The following CIT variants were observed in gnomAD, a reference collection of about 807,000 sequenced individuals.
CIT encodes the protein citron rho-interacting serine/threonine kinase.
Under a neutral mutation model 272.7 loss-of-function variants are expected in CIT, and 79 were observed. The observed-to-expected ratio is 0.29, with a 90% CI of 0.24 to 0.35. The LOEUF (loss-of-function observed/expected upper bound fraction) is 0.35, where lower values mean the gene tolerates loss of function less well. Among genes scored for constraint, CIT ranks in the 10% least tolerant of loss-of-function variants. The pLI is 1.00. For synonymous variants in CIT, 948 were observed against 995.6 expected, an observed-to-expected ratio of 0.95 and a Z score of 0.90; for missense variants, 1,909 against 2,618.3, an observed-to-expected ratio of 0.73 and a Z score of 5.91.
chr12:119,797,706 G>A (rs1161637191), intron 10 of CIT, among the ~76,000 whole-genome samples: 1 of 152,182 alleles, frequency 6.6e-6, no homozygotes, highest in African/African-American at 2.4e-5. Context: ...AGAGCCTTTG[G>A]CTGGATGTAG....
intron 3 of CIT, among the ~76,000 whole-genome samples, chr12:119,865,123 C>T (rs1950478492): frequency 6.6e-6 from 1 of 152,200 alleles, no homozygotes; most frequent in Non-Finnish European, 1.5e-5. Flanking sequence ...GCCTCTTAAA[C>T]ACTCCCCAGG....
rs11610606 is a variant in CIT at position 119,777,271 on chromosome 12, C to G, written c.1666-429G>C. Among the ~76,000 whole-genome samples the G allele has an allele frequency of 9.4e-3, 1,399 of 148,432 alleles. 10 individuals carry two copies. Among genetic ancestry groups the G allele is most frequent in the South Asian group, 0.019 (87 of 4,628 alleles). On this transcript the variant is annotated intron_variant, in intron 13 of 47. Transcript: ENST00000392521. ...CTCCGTCTCAAAAAAAAACAACCTA[C>G]AGACCTAGAGACGAGGGGAGTAGAA...
chr12:119,725,198 G>A (rs184935074), intron 28 of CIT, among the ~76,000 whole-genome samples: 4 of 152,182 alleles, frequency 2.6e-5, no homozygotes, highest in African/African-American at 9.6e-5. Flanking sequence ...TGAGGTGGGC[G>A]GATCATTTGA....
At chr12:119,842,421 A>G (rs1417676827) in intron 5 of CIT, among the ~76,000 whole-genome samples, 1 of 150,870 alleles carries the variant, frequency 6.6e-6, no homozygotes, top group Non-Finnish European at 1.5e-5. Flanking sequence ...AAATACTGCA[A>G]GTGGTGGGAT....
intron 23 of CIT, among the ~76,000 whole-genome samples, chr12:119,748,846 C>CA (rs1468601897): frequency 6.6e-6 from 1 of 152,218 alleles, no homozygotes; most frequent in Non-Finnish European, 1.5e-5. Context: ...ACAGAGCACA[C>CA]AGCACGCCTC....
chr12:119,722,228 G>A (rs564035791), intron 28 of CIT, among the ~76,000 whole-genome samples: 8 of 152,294 alleles, frequency 5.3e-5, no homozygotes, highest in African/African-American at 1.9e-4. Context: ...GGAGAGAGCA[G>A]GCATCCTGAT....
rs1958631383 is a variant in CIT, at chr12:119,734,210, G to A, written c.3304C>T (p.Arg1102Trp). 5 of 1,613,446 alleles carry A rather than the reference G, an allele frequency of 3.1e-6. No homozygotes were observed. Among genetic ancestry groups the A allele is most frequent in the East Asian group, 2.2e-5 (1 of 44,838 alleles). The change falls in exon 26 of 48, where the codon CGG becomes TGG. Residue 1102 changes from arginine to tryptophan, a missense_variant. Physicochemically the swap from Arg to Trp is moderately radical, Grantham distance 101. This residue lies in a region of CIT where 530 missense variants were observed against 822.4 expected (regional missense o/e 0.64). Transcript: ENST00000392521. ...LGDEKSQFECRVRELQRMLDT... is the reference protein window; with the variant it reads ...LGDEKSQFECWVRELQRMLDT... ...AGCATTCTCTGCAGCTCTCGAACCC[G>A]ACACTCAAACTGGGATTTCTCATCA...
At chr12:119,755,695 G>A (rs1593610776) in intron 22 of CIT, among the ~76,000 whole-genome samples, 4 of 152,222 alleles carry the variant, frequency 2.6e-5, no homozygotes, top group African/African-American at 4.8e-5. Flanking sequence ...CTACAAATTG[G>A]CACACAGCAG....
At chr12:119,766,432 T>C (rs1289897670) in intron 19 of CIT, among the ~76,000 whole-genome samples, 4 of 152,032 alleles carry the variant, frequency 2.6e-5, no homozygotes, top group Admixed American at 1.3e-4. Context: ...AAAAATCAAC[T>C]TAATTAAACT....
At chr12:119,735,030 C>T (rs2137257354) in intron 25 of CIT, 130 bp downstream of exon 25, 3 of 806,280 alleles carry the variant, frequency 3.7e-6, no homozygotes, top group Non-Finnish European at 4.0e-6. Flanking sequence ...GGAAAAAAGA[C>T]ATGATTTTAA....
At chr12:119,776,122 A>AG (rs1963725086) in intron 15 of CIT, among the ~76,000 whole-genome samples, 1 of 152,084 alleles carries the variant, frequency 6.6e-6, no homozygotes, top group South Asian at 2.1e-4. Flanking sequence ...CTTTTTACTA[A>AG]GTGTCTGGGT....
Position 119,784,426 on chromosome 12 carries a change from TAGAGGACA to T in CIT, c.1402-383_1402-376del. Reference sequence around the variant, plus strand: ...CCCCCCCCATCTCCTTGCAAAGATCTAGAGGACAAATCCAGGACAGGGCAAGGAGATAT... The same window carrying T: ...CCCCCCCCATCTCCTTGCAAAGATCTAATCCAGGACAGGGCAAGGAGATAT... On this transcript the variant is annotated intron_variant, in intron 11 of 47. Coordinates refer to ENST00000392521, the MANE Select transcript of CIT (RefSeq NM_001206999.2). The surrounding 1 kb of genome is among the most constrained non-coding windows in gnomAD (Gnocchi z 4.7). 8.2e-7 allele frequency: 1 copy of T among 1,214,802 alleles called. No individual in the cohort carries two copies. Among genetic ancestry groups the T allele is most frequent in the African/African-American group, 1.6e-5 (1 of 63,554 alleles). The allele number at this position is 1,214,802 out of a possible 1,614,324, so 75.3% of individuals were successfully genotyped here.
rs530282037 is a variant in CIT at position 119,703,368 on chromosome 12, A to G, written c.5304+995T>C. Among the ~76,000 whole-genome samples the G allele has an allele frequency of 1.1e-4, 16 of 152,016 alleles. 1 individual carries two copies. In the South Asian group the frequency reaches 2.9e-3, roughly 28 times the overall value. Reference sequence around the variant, plus strand: ...ACTAACACCACCCTGCCCAGAATGGAACAGTTTCTCTAACAGGTAATGACC... The same window carrying G: ...ACTAACACCACCCTGCCCAGAATGGGACAGTTTCTCTAACAGGTAATGACC... On this transcript the variant is annotated intron_variant, in intron 41 of 47. Transcript: ENST00000392521.
chr12:119,820,419 C>A lies in CIT; in HGVS notation c.1111+2401G>T, dbSNP rs533946503. ...TACAAAAAGTAGCCGGGCATGGTGG[C>A]GCACACCTGTGGTCCCAGCTACTCG... On this transcript the variant is annotated intron_variant, in intron 9 of 47. Transcript: ENST00000392521. Among the ~76,000 whole-genome samples, 15 of 152,078 alleles carry A rather than the reference C, an allele frequency of 9.9e-5. No individual in the cohort carries two copies. In the South Asian group the frequency reaches 2.7e-3, roughly 27 times the overall value.
chr12:119,868,965 C>A, intron 3 of CIT, 95 bp downstream of exon 3: 7 of 1,432,444 alleles, frequency 4.9e-6, no homozygotes, highest in Non-Finnish European at 5.8e-6. Context: ...AGAGTTCTTA[C>A]CGACTACTAT....
At chr12:119,688,339 C>T in intron 47 of CIT, 84 bp from the exon 48 acceptor site, 1 of 1,356,790 alleles carries the variant, frequency 7.4e-7, no homozygotes, top group Non-Finnish European at 1.1e-6. Context: ...TGGGAATCTG[C>T]AGCCCCTGGG....
Position 119,734,323 on chromosome 12 carries a change from A to C in CIT, c.3191T>G (p.Leu1064Arg). 3 of 1,613,666 alleles carry C rather than the reference A, an allele frequency of 1.9e-6. No homozygotes were observed. Among genetic ancestry groups the C allele is most frequent in the Non-Finnish European group, 2.5e-6 (3 of 1,179,972 alleles). ...CTCCAAATCCATGACCTGTTCCTCC[A>C]GCATGGTGCACGTGGTCTTCAGAGC... ...MEALKTTCTM[L>R]EEQVMDLEAL... The change falls in exon 26 of 48, where the codon CTG (leucine) becomes CGG (arginine). Residue 1064 changes from leucine to arginine, a missense_variant. Leu to Arg is a moderately radical substitution (Grantham distance 102, BLOSUM62 -2). This residue lies in a region of CIT where 530 missense variants were observed against 822.4 expected (regional missense o/e 0.64). Transcript: ENST00000392521.
At position 119,803,163 on chromosome 12, in the gene CIT, T is replaced by A. The variant is rs764535474; in HGVS notation, c.1295+43A>T. The A allele has an allele frequency of 4.3e-6, 3 of 697,180 alleles. No homozygotes were observed. In the African/African-American group the frequency reaches 6.3e-5, roughly 15 times the overall value. 43.2% of individuals were successfully genotyped at this position (697,180 alleles called of 1,614,324 possible). On this transcript the variant is annotated intron_variant, in intron 10 of 47. Coordinates refer to ENST00000392521, the MANE Select transcript of CIT (RefSeq NM_001206999.2). ...CCACCACCTTTGGCTCCAAAAGCCT[T>A]GCATCAATGCAGGTCCCTTTAGAAA...
intron 19 of CIT, among the ~76,000 whole-genome samples, chr12:119,765,469 C>CTTTTTT (rs34623472): frequency 8.7e-6 from 1 of 115,452 alleles, no homozygotes; most frequent in Non-Finnish European, 1.8e-5. Context: ...AAGAAACAGA[C>CTTTTTT]TTTTTTTTTT....
Sources: allele counts gnomAD v4.1 joint callset (sites outside exome capture counted in the v4.1 genomes callset), GRCh38; gene constraint gnomAD v4.1.1; regional missense constraint gnomAD v4.1.1; non-coding constraint Gnocchi (gnomAD v3.1); transcripts MANE v1.5; gene names NCBI Gene and HGNC (gene_info 2026-07-23, HGNC 2026-07-21).